OXCT1: variants seen among roughly 807,000 people sequenced by gnomAD.
The protein encoded by OXCT1 is succinyl-CoA:3-ketoacid coenzyme A transferase 1, mitochondrial.
A neutral mutation model predicts 69.6 loss-of-function variants in OXCT1; 27 were observed. The observed-to-expected ratio is 0.39, with a 90% CI of 0.29 to 0.54. The LOEUF (loss-of-function observed/expected upper bound fraction) is 0.54, where lower values mean the gene tolerates loss of function less well. Ranked by LOEUF, OXCT1 falls within the 20% of genes least tolerant of loss-of-function variation. The probability of loss-of-function intolerance (pLI) is 0.72; values close to 1 mark genes in which losing one functional copy is unlikely to be tolerated. For synonymous variants in OXCT1, 202 were observed against 217.8 expected, an observed-to-expected ratio of 0.93 and a Z score of 0.64; for missense variants, 437 against 650.2, an observed-to-expected ratio of 0.67 and a Z score of 3.57.
chr5:41,853,581 C>T, intron 3 of OXCT1, 27 bp from the exon 4 acceptor site: 1 of 1,611,184 alleles, frequency 6.2e-7, no homozygotes, highest in South Asian at 1.1e-5. Context: ...GGGAGCTTAC[C>T]AAAGAGCATC....
chr5:41,808,927 T>C (rs1234241301), intron 7 of OXCT1, among the ~76,000 whole-genome samples: 1 of 152,070 alleles, frequency 6.6e-6, no homozygotes. Flanking sequence ...ATCCTGAGGA[T>C]AGACATGAAG....
At chr5:41,759,382 A>G (rs1744238738) in intron 14 of OXCT1, among the ~76,000 whole-genome samples, 1 of 152,134 alleles carries the variant, frequency 6.6e-6, no homozygotes, top group Non-Finnish European at 1.5e-5. Context: ...TAAAGGGCAG[A>G]AGATAAGATA....
intron 7 of OXCT1, among the ~76,000 whole-genome samples, chr5:41,809,541 T>C (rs1011310662): frequency 3.3e-5 from 5 of 152,164 alleles, no homozygotes; most frequent in African/African-American, 4.8e-5. Flanking sequence ...TGCCTAATAT[T>C]GCTCCAAAAG....
chr5:41,732,044 A>G (rs1451418871), intron 16 of OXCT1, among the ~76,000 whole-genome samples: 2 of 152,190 alleles, frequency 1.3e-5, no homozygotes, highest in African/African-American at 4.8e-5. Context: ...GGAGCAGAGG[A>G]AAACAAAGGA....
At chr5:41,737,247 A>T (rs1742929952) in intron 16 of OXCT1, among the ~76,000 whole-genome samples, 1 of 152,204 alleles carries the variant, frequency 6.6e-6, no homozygotes, top group Admixed American at 6.5e-5. Flanking sequence ...AGAAAACAAG[A>T]TTACATATCC....
Position 41,850,199 on chromosome 5 carries a change from A to AC in OXCT1, c.415-21dup, listed in dbSNP as rs753614225. The AC allele has an allele frequency of 1.9e-5, 30 of 1,612,632 alleles. No individual in the cohort carries two copies. The highest frequency in any genetic ancestry group is 2.0e-5 in the Non-Finnish European group (24 of 1,179,718). ...TGTGCCCTGCAAGTGAGCAACCAAC[A>AC]CCCCATAAGTTCACTAAGCACACTT... is the stretch of plus-strand genomic sequence containing the variant. On this transcript the variant is annotated intron_variant, in intron 4 of 16. Transcript: ENST00000196371.
At chr5:41,770,361 G>A (rs2112135783) in intron 13 of OXCT1, among the ~76,000 whole-genome samples, 1 of 152,214 alleles carries the variant, frequency 6.6e-6, no homozygotes, top group Non-Finnish European at 1.5e-5. Context: ...AAAATATGGT[G>A]TCCTTCAAAA....
intron 15 of OXCT1, among the ~76,000 whole-genome samples, chr5:41,746,567 C>G (rs1386406882): frequency 6.6e-6 from 1 of 152,042 alleles, no homozygotes; most frequent in Non-Finnish European, 1.5e-5. Flanking sequence ...ACCAAAAGTT[C>G]CAGACGTAGA....
intron 1 of OXCT1, among the ~76,000 whole-genome samples, chr5:41,866,652 T>TTTTATG (rs1425164190): frequency 2.2e-4 from 33 of 152,226 alleles, no homozygotes; most frequent in Non-Finnish European, 4.6e-4. Flanking sequence ...AATTTTCACC[T>TTTTATG]TGAACTAAAC....
intron 5 of OXCT1, among the ~76,000 whole-genome samples, chr5:41,844,167 A>G (rs1561123342): frequency 6.6e-6 from 1 of 152,208 alleles, no homozygotes; most frequent in Admixed American, 6.5e-5. Flanking sequence ...CTGAAATTTA[A>G]AAATGGGGAA....
At chr5:41,742,951 G>A (rs1481408883) in intron 15 of OXCT1, among the ~76,000 whole-genome samples, 1 of 152,138 alleles carries the variant, frequency 6.6e-6, no homozygotes, top group Non-Finnish European at 1.5e-5. Context: ...ATGTGCATGT[G>A]TCTTTATAGC....
At chr5:41,775,397 T>C (rs542395826) in intron 13 of OXCT1, among the ~76,000 whole-genome samples, 2 of 152,270 alleles carry the variant, frequency 1.3e-5, no homozygotes, top group South Asian at 2.1e-4. Flanking sequence ...TGGTTTATTA[T>C]GAAGGATACA....
chr5:41,825,730 C>T (rs1747776588), intron 7 of OXCT1, among the ~76,000 whole-genome samples: 1 of 152,152 alleles, frequency 6.6e-6, no homozygotes, highest in Non-Finnish European at 1.5e-5. Flanking sequence ...CACATGATCT[C>T]TTTGTGCACA....
intron 13 of OXCT1, among the ~76,000 whole-genome samples, chr5:41,772,859 ACCATGGGCCT>A (rs1262390581): frequency 6.6e-6 from 1 of 152,136 alleles, no homozygotes; most frequent in African/African-American, 2.4e-5. Context: ...GACAAGGAGA[ACCATGGGCCT>A]CCTAGGTAAC....
intron 13 of OXCT1, among the ~76,000 whole-genome samples, chr5:41,785,783 A>G (rs2112197744): frequency 6.6e-6 from 1 of 152,308 alleles, no homozygotes; most frequent in Non-Finnish European, 1.5e-5. Flanking sequence ...AGGAATAGCA[A>G]AGGTTTTGTA....
At chr5:41,812,754 G>C (rs1177298213) in intron 7 of OXCT1, among the ~76,000 whole-genome samples, 1 of 151,974 alleles carries the variant, frequency 6.6e-6, no homozygotes, top group East Asian at 1.9e-4. Flanking sequence ...AGTAGAACTA[G>C]TATGATTATG....
At chr5:41,734,645 A>C (rs1742798345) in intron 16 of OXCT1, among the ~76,000 whole-genome samples, 1 of 152,232 alleles carries the variant, frequency 6.6e-6, no homozygotes, top group African/African-American at 2.4e-5. Flanking sequence ...GACTTCTTTC[A>C]AAATCTGAGG....
At chr5:41,838,640 T>C (rs1182741230) in intron 7 of OXCT1, among the ~76,000 whole-genome samples, 1 of 152,018 alleles carries the variant, frequency 6.6e-6, no homozygotes, top group Non-Finnish European at 1.5e-5. Context: ...TTTTTTTTTT[T>C]TTGAGACAGG....
At chr5:41,746,347 T>C (rs1330935762) in intron 15 of OXCT1, among the ~76,000 whole-genome samples, 3 of 152,014 alleles carry the variant, frequency 2.0e-5, no homozygotes, top group South Asian at 2.1e-4. Context: ...ATCAGGGTCA[T>C]AGCATCCTCC....
Sources: allele counts gnomAD v4.1 joint callset (sites outside exome capture counted in the v4.1 genomes callset), GRCh38; gene constraint gnomAD v4.1.1; transcripts MANE v1.5; gene names NCBI Gene and HGNC (gene_info 2026-07-23, HGNC 2026-07-21).